SPTA1: variants seen among roughly 807,000 people sequenced by gnomAD.
The protein encoded by SPTA1 is spectrin alpha chain, erythrocytic 1.
Under a neutral mutation model 324.7 loss-of-function variants are expected in SPTA1, and 177 were observed. The observed-to-expected ratio is 0.55, with a 90% CI of 0.48 to 0.62. The LOEUF (loss-of-function observed/expected upper bound fraction) is 0.62, where lower values mean the gene tolerates loss of function less well. Among genes scored for constraint, SPTA1 ranks in the 20% least tolerant of loss-of-function variants. The probability of loss-of-function intolerance (pLI) is 0.00; values close to 1 mark genes in which losing one functional copy is unlikely to be tolerated. For missense variants in SPTA1, 3,162 were observed against 2,883.6 expected (o/e 1.10, Z -2.21); for synonymous variants, 1,195 against 1,041.3 (o/e 1.15, Z -2.84).
At chr1:158,668,093 C>T (rs1653744718) in intron 14 of SPTA1, 31 bp from the exon 15 acceptor site, 1 of 1,444,546 alleles carries the variant, frequency 6.9e-7, no homozygotes, top group South Asian at 1.2e-5. Context: ...AAAAAAAAAC[C>T]ATTACCTGAA....
chr1:158,666,492 G>T lies in SPTA1; in HGVS notation c.2044C>A (p.Gln682Lys). The T allele has an allele frequency of 6.2e-7, 1 of 1,607,814 alleles. No individual in the cohort carries two copies. The highest frequency in any genetic ancestry group is 1.1e-5 in the South Asian group (1 of 91,064). Residue 682 changes from glutamine (Q) to lysine (K), a missense_variant, in exon 16 of 52, where the codon CAG becomes AAG. Gln to Lys is a moderately conservative substitution (Grantham distance 53). Transcript: ENST00000643759. Reference sequence around the variant, plus strand: ...AGCTGCTGGTTGGCCTCATGCAACTGGGTCCCTGGGAGAAGACATAAGGTA... The same window carrying T: ...AGCTGCTGGTTGGCCTCATGCAACTTGGTCCCTGGGAGAAGACATAAGGTA... ...LLEATKQKGT[Q>K]LHEANQQLQF...
Position 158,649,842 on chromosome 1 carries a change from G to A in SPTA1, c.3569+14C>T, listed in dbSNP as rs2101852824. On this transcript the variant is annotated intron_variant, in intron 25 of 51. Transcript: ENST00000643759. ...TTTTAAAGCAGCACTGCTTTTTAGA[G>A]TTATAATTATTACCTGTGAAACACT... 6.2e-7 allele frequency: 1 copy of A among 1,606,550 alleles called. No individual in the cohort carries two copies. Among genetic ancestry groups the A allele is most frequent in the Non-Finnish European group, 8.5e-7 (1 of 1,173,536 alleles).
At chr1:158,665,434 T>TA (rs3835727) in intron 16 of SPTA1, among the ~76,000 whole-genome samples, 97,357 of 151,960 alleles carry the variant, frequency 0.64, 32,482 homozygotes, top group African/African-American at 0.84. Context: ...AGTGTATTTT[T>TA]AAAGGCAGAT....
chr1:158,653,073 T>C (rs112622557), intron 22 of SPTA1, among the ~76,000 whole-genome samples: 1,803 of 152,152 alleles, frequency 0.012, 32 homozygotes, highest in African/African-American at 0.041. Context: ...CCTCAGGAAA[T>C]TGATGGAATG....
rs754182520 is a variant in SPTA1, at chr1:158,643,387, G to A, written c.4377C>T (p.Ser1459=). Residue 1459 remains serine, a synonymous_variant, in exon 31 of 52, where the codon AGC becomes AGT. Transcript: ENST00000643759. The part of the protein sequence containing the change: ...KITDLEHFAE[S]LIADEHYAKE... ...TGGCATAGTGTTCATCAGCAATGAGGCTCTCAGCAAAATGTTCTAGGTCAG... is the reference window on the plus strand; with the variant it reads ...TGGCATAGTGTTCATCAGCAATGAGACTCTCAGCAAAATGTTCTAGGTCAG... 1.4e-5 allele frequency: 22 copies of A among 1,613,694 alleles called. No individual in the cohort carries two copies. Among genetic ancestry groups the A allele is most frequent in the African/African-American group, 2.7e-5 (2 of 74,898 alleles).
At chr1:158,653,974 T>C (rs1056475185) in intron 21 of SPTA1, among the ~76,000 whole-genome samples, 3 of 152,202 alleles carry the variant, frequency 2.0e-5, no homozygotes, top group Admixed American at 6.5e-5. Context: ...AAAAATGGAC[T>C]GGCACACATT....
intron 12 of SPTA1, among the ~76,000 whole-genome samples, chr1:158,670,079 G>C (rs1016641011): frequency 6.6e-5 from 10 of 152,194 alleles, no homozygotes; most frequent in African/African-American, 2.2e-4. Flanking sequence ...TCAAGGGGAA[G>C]CACTACCAAT....
intron 3 of SPTA1, among the ~76,000 whole-genome samples, chr1:158,682,795 A>C (rs857934): frequency 0.33 from 50,917 of 152,006 alleles, 9,548 homozygotes; most frequent in South Asian, 0.55. Flanking sequence ...CAGAGTATGA[A>C]TCCTTATTGA....
chr1:158,639,588 A>T lies in SPTA1; in HGVS notation c.4974T>A (p.Ala1658=), dbSNP rs377692942. The T allele has an allele frequency of 1.1e-5, 18 of 1,613,714 alleles. No individual in the cohort carries two copies. The highest frequency in any genetic ancestry group is 1.5e-5 in the Non-Finnish European group (18 of 1,179,850). ...KHQLLEREML[A]REDALKDLNT... ...GGATGCCAACACTACTTACCTCTCG[A>T]GCCAACATCTCTCTCTCCAATAGCT... is the stretch of plus-strand genomic sequence containing the variant. The change falls in exon 35 of 52, where the codon GCT becomes GCA. Residue 1658 remains alanine, a synonymous_variant. Transcript: ENST00000643759.
In SPTA1 at chr1:158,654,693, A is replaced by G. The variant is rs774722673; in HGVS notation, c.2954T>C (p.Leu985Ser). The G allele has an allele frequency of 2.9e-5, 47 of 1,613,888 alleles. 1 individual carries two copies. In the Admixed American group the frequency reaches 7.8e-4, roughly 27 times the overall value. The change falls in exon 21 of 52, where the codon TTA becomes TCA. Residue 985 changes from leucine to serine, a missense_variant. Coordinates refer to ENST00000643759, the MANE Select transcript of SPTA1 (RefSeq NM_003126.4). ...GVAGEQRVMA[L>S]YDFQARSPRE... ...GGGGCTGCGGGCCTGGAAGTCATAT[A>G]AAGCCATGACCCTTTGTTCTCCAGC...
chr1:158,678,333 C>G, intron 6 of SPTA1, 68 bp downstream of exon 6: 12 of 1,600,380 alleles, frequency 7.5e-6, no homozygotes, highest in Non-Finnish European at 1.0e-5. Flanking sequence ...TAGAAAGAGC[C>G]TAATACAAAG....
rs1424452963 is a variant in SPTA1, at chr1:158,671,192, C to G, written c.1599+151G>C. On this transcript the variant is annotated intron_variant, in intron 12 of 51. Coordinates refer to ENST00000643759, the MANE Select transcript of SPTA1 (RefSeq NM_003126.4). ...TTTGAAAAACACACAAATAAACACACCAACAACGAAAGAAGAGATGCAACT... is the reference window on the plus strand; with the variant it reads ...TTTGAAAAACACACAAATAAACACAGCAACAACGAAAGAAGAGATGCAACT... The G allele has an allele frequency of 4.4e-6, 3 of 675,498 alleles. No individual in the cohort carries two copies. The East Asian group carries it at 8.2e-5, about 19-fold the overall frequency. The allele number at this position is 675,498 out of a possible 1,614,324, so 41.8% of individuals were successfully genotyped here.
At chr1:158,675,391 G>A (rs12085201) in intron 8 of SPTA1, among the ~76,000 whole-genome samples, 9,517 of 152,006 alleles carry the variant, frequency 0.063, 1,005 homozygotes, top group African/African-American at 0.22. Context: ...TGCTTTTCCA[G>A]CTTTTTGACC....
chr1:158,624,694 G>A (rs1351337571), intron 42 of SPTA1, among the ~76,000 whole-genome samples: 4 of 152,154 alleles, frequency 2.6e-5, no homozygotes, highest in South Asian at 2.1e-4. Context: ...GCTATAATAA[G>A]GAAACTGCAG....
At chr1:158,622,201 T>C (rs1187908429) in intron 43 of SPTA1, among the ~76,000 whole-genome samples, 2 of 152,194 alleles carry the variant, frequency 1.3e-5, no homozygotes, top group South Asian at 2.1e-4. Flanking sequence ...CAACATCCAA[T>C]GCCTTAGCAG....
At chr1:158,656,129 G>A (rs1652805522) in intron 20 of SPTA1, among the ~76,000 whole-genome samples, 1 of 152,022 alleles carries the variant, frequency 6.6e-6, no homozygotes, top group Admixed American at 6.6e-5. Flanking sequence ...TTAAACATCT[G>A]GCCTCCTAAT....
intron 5 of SPTA1, among the ~76,000 whole-genome samples, chr1:158,680,337 A>G (rs1185984114): frequency 1.3e-5 from 2 of 152,096 alleles, no homozygotes; most frequent in Non-Finnish European, 2.9e-5. Flanking sequence ...CCCATTGTGT[A>G]TTTAATTTCT....
rs1411905196 is a variant in SPTA1, at chr1:158,672,047, C to T, written c.1488+12G>A. 1.9e-6 allele frequency: 3 copies of T among 1,613,574 alleles called. No individual in the cohort carries two copies. The highest frequency in any genetic ancestry group is 1.1e-5 in the South Asian group (1 of 91,066). ...AATTACTTCTAGAGATGGTATGGAC[C>T]CCTCCCGTTACCTCTTGTCTACTCA... On this transcript the variant is annotated intron_variant, in intron 11 of 51. Transcript: ENST00000643759.
In SPTA1 at chr1:158,611,312, G is replaced by A; in HGVS notation, c.7212C>T (p.Leu2404=). 6.2e-7 allele frequency: 1 copy of A among 1,613,848 alleles called. No individual in the cohort carries two copies. The highest frequency in any genetic ancestry group is 8.5e-7 in the Non-Finnish European group (1 of 1,179,814). The change falls in exon 52 of 52, where the codon CTC becomes CTT. Residue 2404 remains leucine, a synonymous_variant. Transcript: ENST00000643759. The stretch of plus-strand genomic sequence containing the variant: ...TGAAGCCAACGTAGTCATAGCCAGA[G>A]AGATGGCTTCGACCCCGTGGGTCCA... ...QYMDPRGRSH[L]SGYDYVGFTN...
Sources: gnomAD v4.1 joint callset for allele counts (sites outside exome capture counted in the v4.1 genomes callset) on GRCh38, gnomAD v4.1.1 for gene constraint, MANE v1.5 for transcripts, NCBI Gene and HGNC (gene_info 2026-07-23, HGNC 2026-07-21) for gene names.